The following CTNNA2 variants were observed in gnomAD, a reference collection of about 807,000 sequenced individuals.
CTNNA2 encodes the protein catenin alpha 2.
A neutral mutation model predicts 101.0 loss-of-function variants in CTNNA2; 42 were observed. That is an observed-to-expected ratio of 0.42 (90% CI 0.32 to 0.54). CTNNA2 has a LOEUF of 0.54. Ranked by LOEUF, CTNNA2 falls within the 20% of genes least tolerant of loss-of-function variation. CTNNA2 has a pLI of 0.14. For missense variants in CTNNA2, 871 were observed against 1,223.1 expected (o/e 0.71, Z 4.29); for synonymous variants, 450 against 456.4 (o/e 0.99, Z 0.18).
intron 7 of CTNNA2, among the ~76,000 whole-genome samples, chr2:79,933,514 G>A (rs143993463): frequency 2.4e-4 from 36 of 151,658 alleles, no homozygotes; most frequent in African/African-American, 8.7e-4. Context: ...GAGTACAATG[G>A]CAAGATCTCG....
intron 1 of CTNNA2, among the ~76,000 whole-genome samples, chr2:79,521,160 ATAT>A (rs1672098883): frequency 2.0e-4 from 17 of 86,472 alleles, no homozygotes; most frequent in African/African-American, 7.8e-4. Flanking sequence ...ATATATATAT[ATAT>A]ATATAAATTT....
Position 80,419,461 on chromosome 2 carries a change from G to A in CTNNA2, c.1150G>A (p.Val384Met), listed in dbSNP as rs545104986. The change falls in exon 9 of 19, where the codon GTG (valine) becomes ATG (methionine). Residue 384 changes from valine (V) to methionine (M), a missense_variant. Physicochemically the swap from Val to Met is conservative, Grantham distance 21 (BLOSUM62 1). Around this residue, in one of 5 missense-constraint regions of CTNNA2, gnomAD observed 647 missense variants for 831.5 expected, o/e 0.78. Transcript: ENST00000402739. ...RDLRRQLRKA[V>M]MDHISDSFLE... ...GTTTCAACTGTAGCTTCGGAAAGCA[G>A]TGATGGATCACATATCTGACTCTTT... The A allele has an allele frequency of 6.2e-7, 1 of 1,609,144 alleles. No individual in the cohort carries two copies. The highest frequency in any genetic ancestry group is 1.1e-5 in the South Asian group (1 of 90,528).
intron 2 of CTNNA2, among the ~76,000 whole-genome samples, chr2:79,272,971 A>T (rs980111989): frequency 6.6e-6 from 1 of 152,066 alleles, no homozygotes; most frequent in African/African-American, 2.4e-5. Context: ...GGTGGTAGTT[A>T]TTAACTTAAT....
At chr2:80,630,212 A>C (rs138371766) in intron 18 of CTNNA2, among the ~76,000 whole-genome samples, 1 of 152,354 alleles carries the variant, frequency 6.6e-6, no homozygotes, top group East Asian at 1.9e-4. Context: ...CTGAAATAAA[A>C]GTTTAAACAA....
At chr2:79,578,938 T>TTAGTCTACTTA (rs1454818899) in intron 1 of CTNNA2, among the ~76,000 whole-genome samples, 3 of 152,178 alleles carry the variant, frequency 2.0e-5, no homozygotes, top group Non-Finnish European at 4.4e-5. Flanking sequence ...AACTATTATT[T>TTAGTCTACTTA]TAGTCTACTT....
chr2:80,093,117 T>A (rs979537830), intron 7 of CTNNA2, among the ~76,000 whole-genome samples: 1 of 152,012 alleles, frequency 6.6e-6, no homozygotes, highest in Non-Finnish European at 1.5e-5. Flanking sequence ...AACTCATCAT[T>A]TAGCATTAGG....
intron 8 of CTNNA2, among the ~76,000 whole-genome samples, chr2:80,413,574 CTT>C (rs1256102867): frequency 6.6e-6 from 1 of 152,132 alleles, no homozygotes; most frequent in East Asian, 1.9e-4. Flanking sequence ...ATTAAAGTGA[CTT>C]TGGGTAGATT....
At chr2:79,370,628 C>CT (rs1010486164) in intron 3 of CTNNA2, among the ~76,000 whole-genome samples, 177 of 146,634 alleles carry the variant, frequency 1.2e-3, no homozygotes, top group Middle Eastern at 3.6e-3. Context: ...ATGATCTTAA[C>CT]TTTTTTTTTT....
chr2:79,986,078 T>A (rs1409156857), intron 7 of CTNNA2, among the ~76,000 whole-genome samples: 1 of 152,194 alleles, frequency 6.6e-6, no homozygotes, highest in Non-Finnish European at 1.5e-5. Context: ...TTTGACTCTA[T>A]GAGGGACAAA....
intron 1 of CTNNA2, among the ~76,000 whole-genome samples, chr2:79,527,077 G>C (rs1672450121): frequency 6.6e-6 from 1 of 152,076 alleles, no homozygotes; most frequent in Non-Finnish European, 1.5e-5. Context: ...ACAACCCACA[G>C]AATGGGAGAA....
intron 1 of CTNNA2, among the ~76,000 whole-genome samples, chr2:79,619,221 G>T (rs1678841464): frequency 6.6e-6 from 1 of 152,150 alleles, no homozygotes; most frequent in Non-Finnish European, 1.5e-5. Context: ...AACAAAAGCA[G>T]TGGCCACCAT....
intron 18 of CTNNA2, among the ~76,000 whole-genome samples, chr2:80,623,357 GTGTAATTTTTTTTGAGCCTTCAC>G (rs1362487947): frequency 6.6e-6 from 1 of 151,918 alleles, no homozygotes; most frequent in African/African-American, 2.4e-5. Flanking sequence ...GGATAAAGGG[GTGTAATTTTTTTTGAGCCTTCAC>G]ACATAACTGA....
At chr2:79,231,717 G>A (rs1054604608) in intron 2 of CTNNA2, among the ~76,000 whole-genome samples, 4 of 152,030 alleles carry the variant, frequency 2.6e-5, no homozygotes, top group African/African-American at 9.7e-5. Flanking sequence ...ATTTATTTAT[G>A]TCATCTCTGG....
chr2:79,990,683 A>C (rs898918088), intron 7 of CTNNA2, among the ~76,000 whole-genome samples: 30 of 152,328 alleles, frequency 2.0e-4, no homozygotes, highest in African/African-American at 6.3e-4. Flanking sequence ...GAAAAAGTAC[A>C]TTTCTCATGC....
At chr2:79,823,495 G>T (rs1161836913) in intron 3 of CTNNA2, among the ~76,000 whole-genome samples, 1 of 151,976 alleles carries the variant, frequency 6.6e-6, no homozygotes, top group East Asian at 1.9e-4. Flanking sequence ...TGCAGCCTGG[G>T]TCACAGAGTG....
chr2:79,511,441 A>C (rs575829155), upstream of CTNNA2, among the ~76,000 whole-genome samples: 13 of 152,170 alleles, frequency 8.5e-5, no homozygotes, highest in Non-Finnish European at 1.6e-4. Flanking sequence ...CATGAAGCAC[A>C]TCGTGTGCCT....
chr2:79,989,912 G>C (rs1428414339), intron 7 of CTNNA2, among the ~76,000 whole-genome samples: 5 of 152,124 alleles, frequency 3.3e-5, no homozygotes, highest in Admixed American at 3.3e-4. Context: ...ATCTGCCTTT[G>C]CTGAAATATA....
chr2:79,318,526 A>C (rs1377213234), intron 3 of CTNNA2, among the ~76,000 whole-genome samples: 1 of 152,148 alleles, frequency 6.6e-6, no homozygotes, highest in Non-Finnish European at 1.5e-5. Flanking sequence ...CTCTGATATG[A>C]AGAGATGCAT....
At chr2:79,692,505 C>T (rs1573697592) in intron 2 of CTNNA2, among the ~76,000 whole-genome samples, 4 of 152,156 alleles carry the variant, frequency 2.6e-5, no homozygotes, top group Admixed American at 2.6e-4. Flanking sequence ...TTTGACCCAG[C>T]AATCCCATTA....
Sources: allele counts gnomAD v4.1 joint callset (sites outside exome capture counted in the v4.1 genomes callset), GRCh38; gene constraint gnomAD v4.1.1; regional missense constraint gnomAD v4.1.1; transcripts MANE v1.5; gene names NCBI Gene and HGNC (gene_info 2026-07-23, HGNC 2026-07-21).